Variants in EML5 observed in about 807,000 individuals in gnomAD.
The protein encoded by EML5 is EMAP like 5.
Under a neutral mutation model 250.0 loss-of-function variants are expected in EML5, and 120 were observed. That is an observed-to-expected ratio of 0.48 (90% confidence interval 0.41 to 0.56). The LOEUF (loss-of-function observed/expected upper bound fraction) is 0.56. Among genes scored for constraint, EML5 ranks in the 20% least tolerant of loss-of-function variants. EML5 has a pLI of 0.00. For synonymous variants in EML5, 771 were observed against 806.5 expected, an observed-to-expected ratio of 0.96 and a Z score of 0.75; for missense variants, 2,006 against 2,437.6, an observed-to-expected ratio of 0.82 and a Z score of 3.73.
rs1480471958 is a variant in EML5 at position 88,614,796 on chromosome 14, A to G, written c.*1022T>C. 1 of 152,200 alleles carries G rather than the reference A, an allele frequency of 6.6e-6. No homozygotes were observed. The highest frequency in any genetic ancestry group is 2.4e-5 in the African/African-American group (1 of 41,458). 9.4% of individuals were successfully genotyped at this position (152,200 alleles called of 1,614,324 possible). A position where few individuals can be genotyped will look rare whatever the true frequency, so the allele number is the denominator to read the frequency against. ...GAATTCTAACTGACAAGTTTTTACA[A>G]ATGGAGTTGGGCTCATTCATTTTGG... On this transcript the variant is annotated 3_prime_UTR_variant, in exon 44 of 44. Transcript: ENST00000554922.
At chr14:88,623,585 T>A (rs574197233) in intron 36 of EML5, 1 of 152,046 alleles carries the variant, frequency 6.6e-6, no homozygotes. Flanking sequence ...GGCTAATTTT[T>A]GTATTTTTAG....
In EML5 at chr14:88,665,428, T is replaced by A. The variant is rs1327756695; in HGVS notation, c.3186A>T (p.Gly1062=). 6.2e-7 allele frequency: 1 copy of A among 1,613,848 alleles called. No homozygotes were observed. ...GKALAVGLND[G]SFLMANADTL... is the part of the protein sequence containing the mutation. ...TATCCGCATTTGCCATTAAGAAGCT[T>A]CCATCGTTGAGACCTACGGCTAAAG... Residue 1062 remains glycine, a synonymous_variant, in exon 22 of 44, where the codon GGA becomes GGT. Transcript: ENST00000554922.
chr14:88,774,082 C>A (rs1313618325), intron 1 of EML5, among the ~76,000 whole-genome samples: 2 of 152,146 alleles, frequency 1.3e-5, no homozygotes, highest in African/African-American at 4.8e-5. Context: ...CATGCCACTG[C>A]ACTCCAGCCT....
chr14:88,755,170 T>A (rs1474948216), intron 1 of EML5, among the ~76,000 whole-genome samples: 1 of 152,204 alleles, frequency 6.6e-6, no homozygotes, highest in African/African-American at 2.4e-5. Context: ...CTTCATAGAA[T>A]ATGTGATAAA....
intron 32 of EML5, among the ~76,000 whole-genome samples, chr14:88,634,926 G>A (rs1261734004): frequency 6.6e-6 from 1 of 152,108 alleles, no homozygotes; most frequent in East Asian, 1.9e-4. Flanking sequence ...ATCTTTTAAT[G>A]CATCTCTGTC....
chr14:88,680,643 T>A (rs1312940171), intron 21 of EML5, among the ~76,000 whole-genome samples: 1 of 152,140 alleles, frequency 6.6e-6, no homozygotes, highest in Non-Finnish European at 1.5e-5. Flanking sequence ...TATGTTAATT[T>A]TAGGTTCCAA....
chr14:88,630,973 G>A, intron 33 of EML5, among the ~76,000 whole-genome samples: 1 of 152,170 alleles, frequency 6.6e-6, no homozygotes, highest in East Asian at 1.9e-4. Context: ...TCATTCTTGT[G>A]TGCTAAGGAA....
At chr14:88,785,659 G>T (rs1178482829) in intron 1 of EML5, among the ~76,000 whole-genome samples, 1 of 152,060 alleles carries the variant, frequency 6.6e-6, no homozygotes, top group Non-Finnish European at 1.5e-5. Context: ...ATTTATATGT[G>T]ATCCATTAGT....
intron 1 of EML5, among the ~76,000 whole-genome samples, chr14:88,768,541 G>A (rs956726928): frequency 1.3e-5 from 2 of 151,940 alleles, no homozygotes; most frequent in Non-Finnish European, 2.9e-5. Flanking sequence ...CTCCTGAGTA[G>A]CTGGAATTAC....
At chr14:88,736,295 G>A in intron 7 of EML5, 69 bp downstream of exon 7, 1 of 1,553,236 alleles carries the variant, frequency 6.4e-7, no homozygotes. Flanking sequence ...CACAGTGCCT[G>A]GCCATGTTTT....
intron 1 of EML5, among the ~76,000 whole-genome samples, chr14:88,773,439 A>G (rs1421105013): frequency 6.6e-6 from 1 of 152,244 alleles, no homozygotes; most frequent in Non-Finnish European, 1.5e-5. Context: ...AGGAGGTCCC[A>G]GTACTTACCC....
intron 32 of EML5, among the ~76,000 whole-genome samples, chr14:88,636,754 T>C (rs1203590101): frequency 1.3e-5 from 2 of 152,138 alleles, no homozygotes; most frequent in Non-Finnish European, 2.9e-5. Context: ...CATGGGAATG[T>C]GATTAGATGT....
Position 88,694,428 on chromosome 14 carries a change from T to G in EML5, c.2439-21A>C, listed in dbSNP as rs990803984. ...TTCCTCTGAAATAAACATCGAAATG[T>G]TTTAGCTCTGAAGATTCATCATTCC... On this transcript the variant is annotated intron_variant, in intron 16 of 43. Transcript: ENST00000554922. The G allele has an allele frequency of 4.1e-6, 6 of 1,468,696 alleles. No individual in the cohort carries two copies. The Admixed American group carries it at 1.0e-4, about 25-fold the overall frequency. The allele number at this position is 1,468,696 out of a possible 1,614,324, so 91.0% of individuals were successfully genotyped here.
chr14:88,631,548 A>C (rs944800735), intron 33 of EML5, among the ~76,000 whole-genome samples: 1 of 152,178 alleles, frequency 6.6e-6, no homozygotes, highest in African/African-American at 2.4e-5. Flanking sequence ...GCGGGTGGAT[A>C]ACCTGAGGTC....
intron 7 of EML5, among the ~76,000 whole-genome samples, chr14:88,731,647 G>A (rs914623078): frequency 2.0e-5 from 3 of 152,120 alleles, no homozygotes; most frequent in African/African-American, 2.4e-5. Flanking sequence ...TTGCCACACC[G>A]TCTTCCACAA....
intron 22 of EML5, 84 bp from the exon 23 acceptor site, chr14:88,664,708 TC>T: frequency 1.5e-6 from 2 of 1,360,360 alleles, no homozygotes; most frequent in Non-Finnish European, 2.0e-6. Flanking sequence ...ATTTTCCTTT[TC>T]TTTATGGAGA....
At chr14:88,686,350 T>C (rs928763052) in intron 19 of EML5, among the ~76,000 whole-genome samples, 3 of 151,868 alleles carry the variant, frequency 2.0e-5, no homozygotes, top group Non-Finnish European at 4.4e-5. Context: ...CATGTATACA[T>C]ATGTAACAAA....
intron 31 of EML5, among the ~76,000 whole-genome samples, chr14:88,641,527 T>C (rs1438865248): frequency 6.6e-6 from 1 of 152,138 alleles, no homozygotes; most frequent in Non-Finnish European, 1.5e-5. Flanking sequence ...CATATGCAAA[T>C]TAACGAATGT....
chr14:88,658,925 T>C (rs1353463330), intron 25 of EML5, among the ~76,000 whole-genome samples: 1 of 152,188 alleles, frequency 6.6e-6, no homozygotes, highest in Non-Finnish European at 1.5e-5. Flanking sequence ...CATGAGTATG[T>C]TAACAAAAAG....
Sources: allele counts gnomAD v4.1 joint callset (sites outside exome capture counted in the v4.1 genomes callset), GRCh38; gene constraint gnomAD v4.1.1; transcripts MANE v1.5; gene names NCBI Gene and HGNC (gene_info 2026-07-23, HGNC 2026-07-21).